Variants in DOCK3 observed in about 807,000 individuals in gnomAD.
DOCK3 encodes the protein dedicator of cytokinesis protein 3.
A neutral mutation model predicts 265.6 loss-of-function variants in DOCK3; 60 were observed. That is an observed-to-expected ratio of 0.23 (90% CI 0.18 to 0.28). The LOEUF (loss-of-function observed/expected upper bound fraction) is 0.28, where lower values mean the gene tolerates loss of function less well. Among genes scored for constraint, DOCK3 ranks in the 10% least tolerant of loss-of-function variants. DOCK3 has a pLI of 1.00. For missense variants in DOCK3, 1,981 were observed against 2,594.3 expected (o/e 0.76, Z 5.14); for synonymous variants, 881 against 938.0 (o/e 0.94, Z 1.11).
At chr3:51,006,919 C>G (rs1373519211) in intron 5 of DOCK3, among the ~76,000 whole-genome samples, 1 of 152,152 alleles carries the variant, frequency 6.6e-6, no homozygotes, top group African/African-American at 2.4e-5. Flanking sequence ...TGATGGTTTC[C>G]AGCTTCATCC....
chr3:50,919,926 C>G (rs144492659), intron 4 of DOCK3, among the ~76,000 whole-genome samples: 14,360 of 152,184 alleles, frequency 0.094, 838 homozygotes, highest in Non-Finnish European at 0.12. Flanking sequence ...TACATCCAAT[C>G]AATACCTAGT....
chr3:50,777,370 C>T (rs1284643357), intron 1 of DOCK3, among the ~76,000 whole-genome samples: 2 of 152,086 alleles, frequency 1.3e-5, no homozygotes, highest in Non-Finnish European at 2.9e-5. Flanking sequence ...TAATGTGATA[C>T]TTAATATTGC....
At chr3:50,887,993 T>C (rs2048427788) in intron 3 of DOCK3, among the ~76,000 whole-genome samples, 1 of 152,130 alleles carries the variant, frequency 6.6e-6, no homozygotes, top group Non-Finnish European at 1.5e-5. Flanking sequence ...CAACATAGTG[T>C]TGGAAGTTCT....
At chr3:51,208,649 C>T in intron 12 of DOCK3, 125 bp from the exon 13 acceptor site, 2 of 740,598 alleles carry the variant, frequency 2.7e-6, no homozygotes, top group Non-Finnish European at 4.4e-6. Context: ...TTTAGTAAAA[C>T]AGAACATCAT....
chr3:50,888,258 C>A lies in DOCK3; in HGVS notation c.163-1768C>A, dbSNP rs1575453528. On this transcript the variant is annotated intron_variant, in intron 3 of 52. Transcript: ENST00000266037. ...CAAATCATGAGTAAACTCCCATTCA[C>A]AATTGCGTCAAAGAGAATAAAATAC... Among the ~76,000 whole-genome samples, 3 of 152,112 alleles carry A rather than the reference C, an allele frequency of 2.0e-5. No homozygotes were observed. The South Asian group carries it at 6.2e-4, about 32-fold the overall frequency.
chr3:50,784,917 G>A (rs555608269), intron 2 of DOCK3, among the ~76,000 whole-genome samples: 1 of 152,208 alleles, frequency 6.6e-6, no homozygotes, highest in East Asian at 1.9e-4. Context: ...AGCACTTTGG[G>A]AAGCCAAGGC....
chr3:51,276,507 C>A, intron 25 of DOCK3: 1 of 831,536 alleles, frequency 1.2e-6, no homozygotes, highest in Non-Finnish European at 1.4e-6. Context: ...TAATTAGTTG[C>A]TTATAACTAC....
chr3:51,003,105 A>T (rs1647677046), intron 5 of DOCK3, among the ~76,000 whole-genome samples: 1 of 152,234 alleles, frequency 6.6e-6, no homozygotes, highest in Non-Finnish European at 1.5e-5. Flanking sequence ...AGATAGCCAG[A>T]ATCTCTTTGT....
At chr3:51,168,410 CAG>C (rs1315049371) in intron 12 of DOCK3, among the ~76,000 whole-genome samples, 1 of 152,134 alleles carries the variant, frequency 6.6e-6, no homozygotes, top group Non-Finnish European at 1.5e-5. Context: ...ACAAATAGAA[CAG>C]AATACAGAGC....
intron 27 of DOCK3, among the ~76,000 whole-genome samples, chr3:51,305,913 A>G (rs1439265755): frequency 1.6e-5 from 2 of 125,866 alleles, no homozygotes; most frequent in African/African-American, 3.1e-5. Context: ...ATCATAGCTC[A>G]CTGCCACCAC....
intron 38 of DOCK3, among the ~76,000 whole-genome samples, chr3:51,345,622 CA>C (rs58519353): frequency 2.0e-5 from 3 of 151,394 alleles, no homozygotes; most frequent in Admixed American, 6.6e-5. Context: ...ACCTTGTTTC[CA>C]AAAAAAACAA....
At position 51,333,285 on chromosome 3, in the gene DOCK3, C is replaced by T. The variant is rs752755036; in HGVS notation, c.3611+32C>T. The T allele has an allele frequency of 2.5e-6, 4 of 1,599,314 alleles. No individual in the cohort carries two copies. The African/African-American group carries it at 4.0e-5, about 16-fold the overall frequency. ...TCTCAGCCACCCGCTCCCCTCTTCCCTTGTCAGGATACTCTCTCTGGCAAG... is the reference window on the plus strand; with the variant it reads ...TCTCAGCCACCCGCTCCCCTCTTCCTTTGTCAGGATACTCTCTCTGGCAAG... On this transcript the variant is annotated intron_variant, in intron 35 of 52. Coordinates refer to ENST00000266037, the MANE Select transcript of DOCK3 (RefSeq NM_004947.5).
intron 5 of DOCK3, among the ~76,000 whole-genome samples, chr3:50,978,461 G>A (rs563137349): frequency 2.8e-4 from 42 of 152,334 alleles, no homozygotes; most frequent in African/African-American, 1.0e-3. Context: ...CTGCTCGGGG[G>A]TCAGGTGTCA....
At chr3:51,057,586 T>A (rs2081253330) in intron 5 of DOCK3, among the ~76,000 whole-genome samples, 1 of 152,226 alleles carries the variant, frequency 6.6e-6, no homozygotes, top group Non-Finnish European at 1.5e-5. Context: ...GGTATTCAGC[T>A]GTTTTGTGGC....
At chr3:50,770,917 G>A (rs2041237048) in intron 1 of DOCK3, among the ~76,000 whole-genome samples, 1 of 152,148 alleles carries the variant, frequency 6.6e-6, no homozygotes, top group African/African-American at 2.4e-5. Flanking sequence ...ATATATAGAT[G>A]AATGAAGCTA....
At chr3:51,276,991 G>T (rs769494549) in intron 25 of DOCK3, among the ~76,000 whole-genome samples, 1 of 152,168 alleles carries the variant, frequency 6.6e-6, no homozygotes, top group Non-Finnish European at 1.5e-5. Flanking sequence ...ATGCACTGAG[G>T]CTGGAGTCCT....
chr3:51,114,942 T>C (rs2083670910), intron 9 of DOCK3, among the ~76,000 whole-genome samples: 1 of 152,166 alleles, frequency 6.6e-6, no homozygotes, highest in Non-Finnish European at 1.5e-5. Flanking sequence ...CTGAGAATTA[T>C]GGTTTCCATC....
chr3:50,841,742 T>TTTTTTTCTTTTTTTTTTTTTTTTTGAGA lies in DOCK3; in HGVS notation c.162+27_162+28insTTTTTTCTTTTTTTTTTTTTTTTTGAGA. ...TAATGAAAAGTTTATTGTTACCTTT[T>TTTTTTTCTTTTTTTTTTTTTTTTTGAGA]CTAATGTAGGAAGGAACTACCTTGT... On this transcript the variant is annotated intron_variant, in intron 3 of 52. Transcript: ENST00000266037. The TTTTTTTCTTTTTTTTTTTTTTTTTGAGA allele has an allele frequency of 7.6e-6, 4 of 525,630 alleles. 1 individual carries two copies. Among genetic ancestry groups the TTTTTTTCTTTTTTTTTTTTTTTTTGAGA allele is most frequent in the Non-Finnish European group, 1.2e-5 (4 of 325,356 alleles). 32.6% of individuals were successfully genotyped at this position (525,630 alleles called of 1,614,324 possible). A position where few individuals can be genotyped will look rare whatever the true frequency, so the allele number is the denominator to read the frequency against.
intron 5 of DOCK3, among the ~76,000 whole-genome samples, chr3:50,985,131 T>A (rs999960935): frequency 6.6e-6 from 1 of 152,244 alleles, no homozygotes; most frequent in East Asian, 1.9e-4. Context: ...GACTTACTTC[T>A]TTCACTTTTG....
Sources: gnomAD v4.1 joint callset for allele counts (sites outside exome capture counted in the v4.1 genomes callset) on GRCh38, gnomAD v4.1.1 for gene constraint, MANE v1.5 for transcripts, NCBI Gene and HGNC (gene_info 2026-07-23, HGNC 2026-07-21) for gene names.